NIPAL3: variants seen among roughly 807,000 people sequenced by gnomAD.
NIPAL3 encodes NIPA-like protein 3.
In NIPAL3, 41 loss-of-function variants were observed where a neutral mutation model predicts 47.2. The ratio of observed to expected loss-of-function variants is 0.87; its 90% CI spans 0.68 to 1.13. The LOEUF (loss-of-function observed/expected upper bound fraction) is 1.13, where lower values mean the gene tolerates loss of function less well. NIPAL3 is among the 50% of genes most tolerant of loss of function. The pLI is 0.00. For missense variants in NIPAL3, 449 were observed against 530.1 expected (o/e 0.85, Z 1.50); for synonymous variants, 194 against 209.6 (o/e 0.93, Z 0.64).
chr1:24,419,648 C>G lies in NIPAL3; in HGVS notation c.93+8C>G. ...GCCTCCTTCTCCTACAAGGCAAGGG[C>G]TTTTTTGGGGTTTGGGAATTTGTAT... On this transcript the variant is annotated splice_region_variant and intron_variant, in intron 2 of 11. Transcript: ENST00000374399. The G allele has an allele frequency of 6.2e-7, 1 of 1,612,360 alleles. No homozygotes were observed. The highest frequency in any genetic ancestry group is 1.1e-5 in the South Asian group (1 of 90,848).
At chr1:24,440,370 A>G (rs1481567321) in intron 3 of NIPAL3, 130 bp downstream of exon 3, 3 of 590,458 alleles carry the variant, frequency 5.1e-6, no homozygotes, top group Non-Finnish European at 8.1e-6. Flanking sequence ...ACCTGGGACA[A>G]TACCTTGTGG....
chr1:24,462,855 T>C (rs908972353), intron 10 of NIPAL3, among the ~76,000 whole-genome samples: 1 of 152,054 alleles, frequency 6.6e-6, no homozygotes, highest in Non-Finnish European at 1.5e-5. Flanking sequence ...CCCAGCACTT[T>C]GGGAGGCTGA....
intron 11 of NIPAL3, 180 bp downstream of exon 11, chr1:24,464,300 G>A: frequency 2.3e-6 from 1 of 442,272 alleles, no homozygotes; most frequent in South Asian, 5.2e-5. Flanking sequence ...AGGCACCTCG[G>A]TTGGTTTTGA....
intron 3 of NIPAL3, among the ~76,000 whole-genome samples, 185 bp from the exon 4 acceptor site, chr1:24,441,870 G>A (rs1645402586): frequency 6.6e-6 from 1 of 152,136 alleles, no homozygotes; most frequent in African/African-American, 2.4e-5. Flanking sequence ...GAGAGCTACT[G>A]TCCTAGAATT....
intron 11 of NIPAL3, among the ~76,000 whole-genome samples, chr1:24,468,755 C>T (rs1570403068): frequency 6.6e-6 from 1 of 152,324 alleles, no homozygotes; most frequent in African/African-American, 2.4e-5. Flanking sequence ...CTGACAGCAG[C>T]TGGTCTGTGT....
chr1:24,463,922 C>A, intron 10 of NIPAL3, 104 bp from the exon 11 acceptor site: 2 of 940,004 alleles, frequency 2.1e-6, no homozygotes, highest in Non-Finnish European at 3.2e-6. Context: ...TCCTCCGCAG[C>A]CTGCAAGCCT....
intron 2 of NIPAL3, among the ~76,000 whole-genome samples, chr1:24,428,404 C>T (rs1467683273): frequency 1.3e-5 from 2 of 152,070 alleles, no homozygotes; most frequent in East Asian, 3.9e-4. Flanking sequence ...AATTATCAGA[C>T]CTTTGTTTGA....
chr1:24,429,734 GT>G (rs1255557954), intron 2 of NIPAL3, among the ~76,000 whole-genome samples: 1 of 152,182 alleles, frequency 6.6e-6, no homozygotes, highest in Non-Finnish European at 1.5e-5. Context: ...TTAGAGGTTA[GT>G]TGATGCTTTG....
intron 7 of NIPAL3, 36 bp from the exon 8 acceptor site, chr1:24,456,102 T>C (rs765081230): frequency 1.9e-6 from 3 of 1,612,986 alleles, no homozygotes; most frequent in Non-Finnish European, 2.5e-6. Flanking sequence ...TGCATTTCCC[T>C]GAGGCTCCCC....
chr1:24,420,604 T>C (rs1644284815), intron 2 of NIPAL3, among the ~76,000 whole-genome samples: 2 of 152,218 alleles, frequency 1.3e-5, no homozygotes, highest in Non-Finnish European at 2.9e-5. Flanking sequence ...TCCTTGTTTT[T>C]TTCTAGTATT....
chr1:24,437,444 C>G (rs890583365), intron 2 of NIPAL3, among the ~76,000 whole-genome samples: 2 of 152,174 alleles, frequency 1.3e-5, no homozygotes, highest in African/African-American at 2.4e-5. Flanking sequence ...AAACCTCGCT[C>G]ATGTTTATGA....
intron 2 of NIPAL3, among the ~76,000 whole-genome samples, chr1:24,429,162 C>T (rs1349641681): frequency 6.6e-6 from 1 of 152,178 alleles, no homozygotes; most frequent in African/African-American, 2.4e-5. Context: ...GTAATCCCAG[C>T]ACTTTGGAAG....
chr1:24,436,398 C>T (rs1334702568), intron 2 of NIPAL3, among the ~76,000 whole-genome samples: 1 of 151,922 alleles, frequency 6.6e-6, no homozygotes, highest in Non-Finnish European at 1.5e-5. Flanking sequence ...ATACAGAATA[C>T]CCAAGAAGCT....
Position 24,419,657 on chromosome 1 carries a change from G to A in NIPAL3, c.93+17G>A. 5.0e-6 allele frequency: 8 copies of A among 1,610,352 alleles called. No individual in the cohort carries two copies. Among genetic ancestry groups the A allele is most frequent in the Non-Finnish European group, 6.8e-6 (8 of 1,177,442 alleles). ...TCCTACAAGGCAAGGGCTTTTTTGGGGTTTGGGAATTTGTATTTTCCTAGC... is the reference window on the plus strand; with the variant it reads ...TCCTACAAGGCAAGGGCTTTTTTGGAGTTTGGGAATTTGTATTTTCCTAGC... On this transcript the variant is annotated intron_variant, in intron 2 of 11. Coordinates refer to ENST00000374399, the MANE Select transcript of NIPAL3 (RefSeq NM_020448.5).
Position 24,451,249 on chromosome 1 carries a change from A to G in NIPAL3, c.540+1623A>G, listed in dbSNP as rs925338612. 7.9e-5 allele frequency among the ~76,000 whole-genome samples: 12 copies of G among 152,218 alleles called. No individual in the cohort carries two copies. The highest frequency in any genetic ancestry group is 2.4e-4 in the African/African-American group (10 of 41,456). ...GATTTGGCCAAACCAAATTCAGTCA[A>G]TATTTATTGAGCGTCTGCTGTGTGC... is the stretch of plus-strand genomic sequence containing the variant. On this transcript the variant is annotated intron_variant, in intron 6 of 11. Transcript: ENST00000374399. This position sits in a 1 kb window ranked among gnomAD's most constrained non-coding sequence, Gnocchi z 4.5.
intron 2 of NIPAL3, among the ~76,000 whole-genome samples, chr1:24,435,500 C>T (rs138678210): frequency 2.0e-5 from 3 of 152,134 alleles, no homozygotes; most frequent in African/African-American, 7.2e-5. Flanking sequence ...CTGAGGATGA[C>T]AATTAACACC....
At chr1:24,448,379 T>C (rs1645771961) in intron 5 of NIPAL3, among the ~76,000 whole-genome samples, 1 of 152,174 alleles carries the variant, frequency 6.6e-6, no homozygotes. Flanking sequence ...CCATGCCACC[T>C]GGACCACTAA....
intron 2 of NIPAL3, chr1:24,419,976 G>C: frequency 4.7e-6 from 1 of 211,994 alleles, no homozygotes; most frequent in Non-Finnish European, 9.6e-6. Flanking sequence ...CAGCTACTCG[G>C]GAAGCTGAGG....
intron 2 of NIPAL3, among the ~76,000 whole-genome samples, chr1:24,430,839 A>G (rs535912329): frequency 6.6e-6 from 1 of 152,346 alleles, no homozygotes; most frequent in Non-Finnish European, 1.5e-5. Context: ...TATTATTTTT[A>G]CTATTCCTTT....
Sources: gnomAD v4.1 joint callset for allele counts (sites outside exome capture counted in the v4.1 genomes callset) on GRCh38, gnomAD v4.1.1 for gene constraint, Gnocchi (gnomAD v3.1) non-coding constraint, MANE v1.5 for transcripts, NCBI Gene and HGNC (gene_info 2026-07-23, HGNC 2026-07-21) for gene names.